Variants in PTPRM observed in about 807,000 individuals in gnomAD.
PTPRM encodes protein tyrosine phosphatase receptor type M, also known as receptor-type tyrosine-protein phosphatase mu.
A neutral mutation model predicts 186.7 loss-of-function variants in PTPRM; 47 were observed. That is an observed-to-expected ratio of 0.25 (90% CI 0.20 to 0.32). The LOEUF (loss-of-function observed/expected upper bound fraction) is 0.32. PTPRM is among the 10% of genes least tolerant of loss of function. The pLI is 1.00. For synonymous variants in PTPRM, 668 were observed against 674.9 expected, an observed-to-expected ratio of 0.99 and a Z score of 0.16; for missense variants, 1,494 against 1,865.0, an observed-to-expected ratio of 0.80 and a Z score of 3.66.
intron 7 of PTPRM, among the ~76,000 whole-genome samples, chr18:7,974,253 G>A (rs1270123489): frequency 6.6e-6 from 1 of 152,164 alleles, no homozygotes; most frequent in African/African-American, 2.4e-5. Flanking sequence ...AGCATCTGCT[G>A]AGAGGTATTC....
At chr18:7,813,696 A>G (rs890677703) in intron 2 of PTPRM, among the ~76,000 whole-genome samples, 38 of 150,790 alleles carry the variant, frequency 2.5e-4, no homozygotes, top group Non-Finnish European at 7.4e-5. Flanking sequence ...TTTTTTTCAT[A>G]TTAGGCATAT....
intron 1 of PTPRM, among the ~76,000 whole-genome samples, chr18:7,636,488 C>T (rs1287857924): frequency 6.6e-6 from 1 of 152,058 alleles, no homozygotes; most frequent in African/African-American, 2.4e-5. Flanking sequence ...GTATTCATTC[C>T]CACAATGATT....
intron 13 of PTPRM, among the ~76,000 whole-genome samples, chr18:8,137,778 C>T (rs538960425): frequency 4.3e-4 from 66 of 152,164 alleles, no homozygotes; most frequent in Middle Eastern, 3.4e-3. Flanking sequence ...TCCCACCCAG[C>T]GTTGAAGCCT....
intron 3 of PTPRM, among the ~76,000 whole-genome samples, chr18:7,892,391 TA>T (rs1324691655): frequency 6.6e-6 from 1 of 152,216 alleles, no homozygotes; most frequent in Non-Finnish European, 1.5e-5. Context: ...AAGGAACTGT[TA>T]AACTACATTG....
intron 11 of PTPRM, among the ~76,000 whole-genome samples, chr18:8,105,623 A>G (rs1318445440): frequency 1.3e-5 from 2 of 152,138 alleles, no homozygotes; most frequent in Admixed American, 1.3e-4. Context: ...TTTTCTTCAA[A>G]GTAATCTCTT....
chr18:8,100,174 T>G (rs777186288), intron 11 of PTPRM, among the ~76,000 whole-genome samples: 15 of 152,070 alleles, frequency 9.9e-5, no homozygotes, highest in Non-Finnish European at 1.8e-4. Context: ...AGTCTTACTC[T>G]GTCACCCAGG....
intron 1 of PTPRM, among the ~76,000 whole-genome samples, chr18:7,617,822 C>T (rs1047376484): frequency 1.3e-5 from 2 of 152,132 alleles, no homozygotes; most frequent in Admixed American, 6.5e-5. Flanking sequence ...TGAGGAATGC[C>T]GCATTGTTGA....
At position 8,085,881 on chromosome 18, in the gene PTPRM, C is replaced by T; in HGVS notation, c.1753+9C>T. On this transcript the variant is annotated intron_variant, in intron 10 of 32. Coordinates refer to ENST00000580170, the MANE Select transcript of PTPRM (RefSeq NM_001105244.2). ...CACCACCAAAATATCAGGTACTCTA[C>T]ATTCGTGAGTTGTGTCTTTTATCAG... 3 of 1,607,384 alleles carry T rather than the reference C, an allele frequency of 1.9e-6. No individual in the cohort carries two copies. Among genetic ancestry groups the T allele is most frequent in the Non-Finnish European group, 2.6e-6 (3 of 1,174,384 alleles).
intron 14 of PTPRM, among the ~76,000 whole-genome samples, chr18:8,186,281 G>C (rs943113918): frequency 6.8e-6 from 1 of 146,898 alleles, no homozygotes; most frequent in Non-Finnish European, 1.5e-5. Context: ...AGCGGAGATC[G>C]TGCCACTGCA....
chr18:8,022,096 G>A (rs2085272595), intron 7 of PTPRM, among the ~76,000 whole-genome samples: 1 of 152,136 alleles, frequency 6.6e-6, no homozygotes, highest in Non-Finnish European at 1.5e-5. Context: ...AACTGGTCTA[G>A]GACTTGGAAG....
chr18:8,308,166 G>A (rs1442787397), intron 20 of PTPRM, among the ~76,000 whole-genome samples: 2 of 152,208 alleles, frequency 1.3e-5, no homozygotes, highest in African/African-American at 2.4e-5. Flanking sequence ...CAATTCATGA[G>A]TCAGGCAGCC....
intron 13 of PTPRM, among the ~76,000 whole-genome samples, chr18:8,123,443 C>T (rs995256078): frequency 3.3e-5 from 5 of 152,156 alleles, no homozygotes; most frequent in African/African-American, 1.2e-4. Flanking sequence ...AACTAAGCCT[C>T]AGGAAAATTG....
At chr18:7,882,201 C>T (rs945017341) in intron 2 of PTPRM, among the ~76,000 whole-genome samples, 5 of 152,124 alleles carry the variant, frequency 3.3e-5, no homozygotes, top group South Asian at 4.1e-4. Context: ...TTTATTTCAT[C>T]GAATAATAAC....
intron 1 of PTPRM, among the ~76,000 whole-genome samples, chr18:7,732,878 T>A (rs912418167): frequency 6.6e-6 from 1 of 152,096 alleles, no homozygotes; most frequent in Non-Finnish European, 1.5e-5. Flanking sequence ...GAGGTTCTTT[T>A]CCAGCAAGCT....
At chr18:8,260,975 G>A (rs1371050802) in intron 19 of PTPRM, among the ~76,000 whole-genome samples, 1 of 152,202 alleles carries the variant, frequency 6.6e-6, no homozygotes, top group East Asian at 1.9e-4. Flanking sequence ...AGAAGCAGGG[G>A]CAGGTGGAAT....
In PTPRM at chr18:8,118,814, AT is replaced by A. The variant is rs1362115219; in HGVS notation, c.2167+3988del. On this transcript the variant is annotated intron_variant, in intron 13 of 32. Transcript: ENST00000580170. ...CATTCCATCTCAAAAAAAAAAAAAT[AT>A]ATATATATATATATATATGAGATTT... Among the ~76,000 whole-genome samples, 1,039 of 107,064 alleles carry A rather than the reference AT, an allele frequency of 9.7e-3. 16 individuals are homozygous for A. The highest frequency in any genetic ancestry group is 0.041 in the African/African-American group (992 of 24,446). The allele number at this position is 107,064 out of a possible 152,430, so 70.2% of individuals were successfully genotyped here.
At chr18:8,306,384 CA>C (rs1190737632) in intron 20 of PTPRM, among the ~76,000 whole-genome samples, 1 of 152,206 alleles carries the variant, frequency 6.6e-6, no homozygotes, top group Admixed American at 6.5e-5. Flanking sequence ...AGCATCAAAT[CA>C]TGGTCTTGGA....
intron 1 of PTPRM, among the ~76,000 whole-genome samples, chr18:7,665,837 G>A (rs917766113): frequency 3.3e-5 from 5 of 151,944 alleles, no homozygotes; most frequent in African/African-American, 1.2e-4. Context: ...CAGGAGAATC[G>A]CTTGAACCCG....
chr18:7,891,238 G>A (rs1206566497), intron 3 of PTPRM, among the ~76,000 whole-genome samples: 1 of 152,010 alleles, frequency 6.6e-6, no homozygotes, highest in Non-Finnish European at 1.5e-5. Flanking sequence ...GTGAGCCGTG[G>A]TCATGCCACT....
Sources: allele counts gnomAD v4.1 joint callset (sites outside exome capture counted in the v4.1 genomes callset), GRCh38; gene constraint gnomAD v4.1.1; transcripts MANE v1.5; gene names NCBI Gene and HGNC (gene_info 2026-07-23, HGNC 2026-07-21).